MYO16: variants seen among roughly 807,000 people sequenced by gnomAD.
MYO16 encodes myosin XVI, also known as unconventional myosin-XVI.
Under a neutral mutation model 205.3 loss-of-function variants are expected in MYO16, and 94 were observed. That is an observed-to-expected ratio of 0.46 (90% confidence interval 0.39 to 0.54). MYO16 has a LOEUF of 0.54. MYO16 is among the 20% of genes least tolerant of loss of function. MYO16 has a pLI of 0.00. For missense variants in MYO16, 2,315 were observed against 2,387.5 expected (o/e 0.97, Z 0.63); for synonymous variants, 988 against 954.0 (o/e 1.04, Z -0.66).
the MYO16 span, among the ~76,000 whole-genome samples, chr13:108,549,619 T>G: frequency 3.3e-5 from 5 of 152,154 alleles, no homozygotes; most frequent in East Asian, 9.7e-4. Context: ...TATTAGATTT[T>G]ATGTTAAATG....
chr13:108,563,279 A>G, the MYO16 span, among the ~76,000 whole-genome samples: 2 of 152,180 alleles, frequency 1.3e-5, no homozygotes, highest in African/African-American at 4.8e-5. Flanking sequence ...TAATCATGTC[A>G]TGGAAAGTTA....
chr13:108,820,489 A>G lies in MYO16; in HGVS notation c.943+77A>G. 3 of 1,231,242 alleles carry G rather than the reference A, an allele frequency of 2.4e-6. No homozygotes were observed. In the South Asian group the frequency reaches 3.9e-5, roughly 16 times the overall value. The allele number at this position is 1,231,242 out of a possible 1,614,324, so 76.3% of individuals were successfully genotyped here. A position where few individuals can be genotyped will look rare whatever the true frequency, so the allele number is the denominator to read the frequency against. On this transcript the variant is annotated intron_variant, in intron 8 of 34. Transcript: ENST00000457511. ...CATATTGGAGTAGCCATCCATCTTC[A>G]GCACAGCTACAAAGTGAGAGCTGGA...
At chr13:108,541,924 A>C in the MYO16 span, among the ~76,000 whole-genome samples, 1 of 152,164 alleles carries the variant, frequency 6.6e-6, no homozygotes, top group Admixed American at 6.5e-5. Flanking sequence ...AGGACAAAAA[A>C]CAGAGCTACC....
chr13:109,040,509 G>A (rs751723603), intron 23 of MYO16, among the ~76,000 whole-genome samples: 4 of 151,734 alleles, frequency 2.6e-5, no homozygotes, highest in East Asian at 1.9e-4. Context: ...TAAAAAGAAC[G>A]GTTTTGGTTT....
chr13:109,018,060 A>G (rs7335791), intron 22 of MYO16, among the ~76,000 whole-genome samples: 59,965 of 151,866 alleles, frequency 0.39, 12,140 homozygotes, highest in East Asian at 0.66. Context: ...GGTTTTTAGA[A>G]TTTTCAGCTT....
At chr13:108,648,357 AC>A (rs1376278766) in intron 1 of MYO16, among the ~76,000 whole-genome samples, 1 of 152,032 alleles carries the variant, frequency 6.6e-6, no homozygotes, top group Non-Finnish European at 1.5e-5. Context: ...TGCACACTCA[AC>A]CCCATGGCTA....
intron 23 of MYO16, among the ~76,000 whole-genome samples, chr13:109,042,135 A>T (rs117102158): frequency 0.024 from 3,580 of 152,316 alleles, 50 homozygotes; most frequent in Non-Finnish European, 0.036. Flanking sequence ...AAGTGTTGAG[A>T]TTACAGGCAT....
At chr13:109,007,354 C>G (rs1427769944) in intron 21 of MYO16, among the ~76,000 whole-genome samples, 3 of 151,418 alleles carry the variant, frequency 2.0e-5, no homozygotes, top group East Asian at 3.9e-4. Flanking sequence ...CGCCACTGCA[C>G]TCCAGCCTGG....
Position 108,924,777 on chromosome 13 carries a change from C to T in MYO16, c.1925+14627C>T, listed in dbSNP as rs185663403. ...GCATGGCGACTCACTCCTGACGTCACGTCTTCTGCTATCAGTCAGGCTAGA... is the reference window on the plus strand; with the variant it reads ...GCATGGCGACTCACTCCTGACGTCATGTCTTCTGCTATCAGTCAGGCTAGA... On this transcript the variant is annotated intron_variant, in intron 16 of 34. Coordinates refer to ENST00000457511, the MANE Select transcript of MYO16 (RefSeq NM_001198950.3). Among the ~76,000 whole-genome samples, 111 of 152,268 alleles carry T rather than the reference C, an allele frequency of 7.3e-4. 1 individual carries two copies. The highest frequency in any genetic ancestry group is 3.3e-4 in the Admixed American group (5 of 15,296).
upstream of MYO16, among the ~76,000 whole-genome samples, chr13:108,626,338 T>C (rs1335622397): frequency 6.6e-6 from 1 of 152,204 alleles, no homozygotes; most frequent in African/African-American, 2.4e-5. Context: ...AAAATAATTG[T>C]GCTTTATGCG....
intron 5 of MYO16, among the ~76,000 whole-genome samples, chr13:108,789,991 T>G (rs1886568372): frequency 6.6e-6 from 1 of 152,138 alleles, no homozygotes; most frequent in South Asian, 2.1e-4. Flanking sequence ...TCACCTACAC[T>G]AAGCTGAAGG....
At position 108,710,085 on chromosome 13, in the gene MYO16, C is replaced by G. The variant is rs370710593; in HGVS notation, c.293-2576C>G. Among the ~76,000 whole-genome samples the G allele has an allele frequency of 5.7e-4, 44 of 77,654 alleles. 10 individuals carry two copies. The highest frequency in any genetic ancestry group is 2.0e-3 in the African/African-American group (43 of 21,032). The allele number at this position is 77,654 out of a possible 152,430, so 50.9% of individuals were successfully genotyped here. On this transcript the variant is annotated intron_variant, in intron 2 of 34. Coordinates refer to ENST00000457511, the MANE Select transcript of MYO16 (RefSeq NM_001198950.3). Reference sequence around the variant, plus strand: ...AGCCCTGCTCTCATTCCTGGGCATTCCTGTGCAATGTTCTTTATGAGTTTC... The same window carrying G: ...AGCCCTGCTCTCATTCCTGGGCATTGCTGTGCAATGTTCTTTATGAGTTTC...
intron 14 of MYO16, among the ~76,000 whole-genome samples, chr13:108,891,938 G>A (rs1351830811): frequency 6.6e-6 from 1 of 152,112 alleles, no homozygotes; most frequent in East Asian, 1.9e-4. Flanking sequence ...GTGGCGGTTA[G>A]TTGGCATGTT....
At chr13:108,709,142 C>T (rs1883627885) in intron 2 of MYO16, among the ~76,000 whole-genome samples, 1 of 152,124 alleles carries the variant, frequency 6.6e-6, no homozygotes, top group African/African-American at 2.4e-5. Flanking sequence ...CCCCAGATGG[C>T]TGTTTTCCTT....
chr13:108,815,438 A>T (rs924455376), intron 7 of MYO16, among the ~76,000 whole-genome samples: 1 of 152,120 alleles, frequency 6.6e-6, no homozygotes, highest in Non-Finnish European at 1.5e-5. Flanking sequence ...AGACAGAGGG[A>T]GTGTGACTGT....
At chr13:108,766,759 G>C (rs1264006404) in intron 4 of MYO16, among the ~76,000 whole-genome samples, 1 of 152,088 alleles carries the variant, frequency 6.6e-6, no homozygotes, top group African/African-American at 2.4e-5. Flanking sequence ...TCATAGGTTT[G>C]CTTGTCTTTT....
intron 16 of MYO16, among the ~76,000 whole-genome samples, chr13:108,957,327 T>A (rs989100132): frequency 7.5e-6 from 1 of 132,918 alleles, no homozygotes; most frequent in Non-Finnish European, 1.5e-5. Context: ...GAGGTTGCAG[T>A]GAGCCAAGAC....
intron 27 of MYO16, among the ~76,000 whole-genome samples, chr13:109,073,137 T>C (rs1175613964): frequency 2.0e-5 from 3 of 151,880 alleles, no homozygotes; most frequent in African/African-American, 4.8e-5. Flanking sequence ...AGTCTCGTCC[T>C]GTCACCCAGG....
At chr13:108,526,697 A>G in the MYO16 span, among the ~76,000 whole-genome samples, 55 of 152,334 alleles carry the variant, frequency 3.6e-4, no homozygotes, top group East Asian at 0.01. Flanking sequence ...CTCACTTTCC[A>G]TTTATTCCTC....
Sources: allele counts gnomAD v4.1 joint callset (sites outside exome capture counted in the v4.1 genomes callset), GRCh38; gene constraint gnomAD v4.1.1; transcripts MANE v1.5; gene names NCBI Gene and HGNC (gene_info 2026-07-23, HGNC 2026-07-21).